The following SGPP2 variants were observed in gnomAD, a reference collection of about 807,000 sequenced individuals.
SGPP2 encodes the protein sphingosine-1-phosphate phosphatase 2.
In SGPP2, 30 loss-of-function variants were observed where a neutral mutation model predicts 33.9. That is an observed-to-expected ratio of 0.89 (90% CI 0.66 to 1.20). The LOEUF is 1.20. Among genes scored for constraint, SGPP2 ranks in the 50% most tolerant of loss-of-function variants. The pLI is 0.00. For missense variants in SGPP2, 458 were observed against 532.1 expected (o/e 0.86, Z 1.37); for synonymous variants, 233 against 225.0 (o/e 1.04, Z -0.32).
chr2:222,469,206 C>T (rs541720910), intron 1 of SGPP2, among the ~76,000 whole-genome samples: 13 of 151,960 alleles, frequency 8.6e-5, no homozygotes, highest in African/African-American at 1.4e-4. Flanking sequence ...TTTTTTGAGA[C>T]GGAGTCTCGC....
At chr2:222,491,152 T>G (rs1393492045) in intron 2 of SGPP2, among the ~76,000 whole-genome samples, 4 of 152,040 alleles carry the variant, frequency 2.6e-5, no homozygotes, top group South Asian at 2.1e-4. Flanking sequence ...TATTTTTTTT[T>G]GAAACAGAGT....
At chr2:222,431,555 G>A (rs1697156462) in intron 1 of SGPP2, among the ~76,000 whole-genome samples, 1 of 152,050 alleles carries the variant, frequency 6.6e-6, no homozygotes, top group Non-Finnish European at 1.5e-5. Context: ...GTAATTGAAG[G>A]ACTATTTACA....
intron 1 of SGPP2, among the ~76,000 whole-genome samples, chr2:222,436,948 G>A (rs966585410): frequency 6.6e-6 from 1 of 152,130 alleles, no homozygotes; most frequent in Non-Finnish European, 1.5e-5. Flanking sequence ...GTGTTCCTGG[G>A]CCCATGCGTA....
At chr2:222,544,418 G>A (rs962088604) in intron 4 of SGPP2, among the ~76,000 whole-genome samples, 19 of 152,152 alleles carry the variant, frequency 1.2e-4, no homozygotes, top group African/African-American at 4.6e-4. Flanking sequence ...TTTTCCCTTG[G>A]TATAGGTGGG....
intron 1 of SGPP2, chr2:222,452,331 G>A: frequency 1.5e-6 from 1 of 665,526 alleles, no homozygotes; most frequent in Non-Finnish European, 2.8e-6. Flanking sequence ...ATGAGGGAGG[G>A]GAGGAGGGGA....
At position 222,496,943 on chromosome 2, in the gene SGPP2, G is replaced by A. The variant is rs186253119; in HGVS notation, c.378+22217G>A. On this transcript the variant is annotated intron_variant, in intron 2 of 4. Transcript: ENST00000321276. ...TTTCTACAAAAGTGATTTAAGAGAT[G>A]TCCCCTACAGAAGCACCCATGTAAA... 3.3e-5 allele frequency among the ~76,000 whole-genome samples: 5 copies of A among 152,322 alleles called. No individual in the cohort carries two copies. The East Asian group carries it at 7.7e-4, about 23-fold the overall frequency.
intron 2 of SGPP2, among the ~76,000 whole-genome samples, chr2:222,509,885 A>G (rs186937650): frequency 9.8e-5 from 15 of 152,330 alleles, no homozygotes; most frequent in Admixed American, 3.3e-4. Context: ...AGGAACCCCA[A>G]TATCCATTAG....
At chr2:222,541,692 C>A (rs768034117) in intron 4 of SGPP2, among the ~76,000 whole-genome samples, 2 of 152,040 alleles carry the variant, frequency 1.3e-5, no homozygotes, top group South Asian at 4.2e-4. Flanking sequence ...CAGTTCACTA[C>A]AACCTCTGCC....
chr2:222,517,207 C>T (rs1698616237), intron 2 of SGPP2, among the ~76,000 whole-genome samples: 1 of 152,208 alleles, frequency 6.6e-6, no homozygotes, highest in Non-Finnish European at 1.5e-5. Context: ...ACCCTCCAGC[C>T]TGGAAACCCA....
In SGPP2 at chr2:222,474,766, A is replaced by G. The variant is rs1559154274; in HGVS notation, c.378+40A>G. 6 of 1,522,260 alleles carry G rather than the reference A, an allele frequency of 3.9e-6. No individual in the cohort carries two copies. The South Asian group carries it at 7.3e-5, about 18-fold the overall frequency. 94.3% of individuals were successfully genotyped at this position (1,522,260 alleles called of 1,614,324 possible). ...TACTCATTAACTGATGCTACTTCTA[A>G]AACAACTACTTCCTTTGATACTCAA... On this transcript the variant is annotated intron_variant, in intron 2 of 4. Coordinates refer to ENST00000321276, the MANE Select transcript of SGPP2 (RefSeq NM_152386.4).
intron 1 of SGPP2, among the ~76,000 whole-genome samples, chr2:222,466,533 C>T (rs1362466148): frequency 6.6e-6 from 1 of 152,196 alleles, no homozygotes; most frequent in Non-Finnish European, 1.5e-5. Context: ...GCTGGGATTA[C>T]AGGCGTGAGC....
At chr2:222,504,216 G>A (rs7559017) in intron 2 of SGPP2, 136,159 of 152,258 alleles carry the variant, frequency 0.89, 61,335 homozygotes, top group East Asian at 1. Flanking sequence ...CAACTCAGGG[G>A]TTGTCTTGCA....
intron 1 of SGPP2, among the ~76,000 whole-genome samples, chr2:222,473,874 A>G (rs1697888015): frequency 1.4e-5 from 2 of 147,040 alleles, no homozygotes; most frequent in Middle Eastern, 3.7e-3. Flanking sequence ...TAGTGAGCCA[A>G]AATTGTGCCA....
chr2:222,425,143 G>A (rs1447118054), intron 1 of SGPP2, among the ~76,000 whole-genome samples: 1 of 152,242 alleles, frequency 6.6e-6, no homozygotes, highest in Non-Finnish European at 1.5e-5. Flanking sequence ...TAATGGAACG[G>A]AGGAGCGGGG....
intron 1 of SGPP2, among the ~76,000 whole-genome samples, chr2:222,457,334 G>T (rs574621740): frequency 6.6e-6 from 1 of 152,064 alleles, no homozygotes; most frequent in Non-Finnish European, 1.5e-5. Flanking sequence ...GTTATGAAAA[G>T]ATGAGATGAC....
chr2:222,519,783 T>C (rs1698656070), intron 2 of SGPP2, among the ~76,000 whole-genome samples: 1 of 152,228 alleles, frequency 6.6e-6, no homozygotes, highest in African/African-American at 2.4e-5. Flanking sequence ...TTTCTGTTCC[T>C]GAATTAATTT....
chr2:222,538,960 T>A (rs1273425121), intron 4 of SGPP2, among the ~76,000 whole-genome samples: 1 of 152,172 alleles, frequency 6.6e-6, no homozygotes, highest in African/African-American at 2.4e-5. Context: ...CAGATCCAAA[T>A]CATAGCATTC....
At chr2:222,529,421 G>C (rs866647899) in intron 4 of SGPP2, among the ~76,000 whole-genome samples, 7 of 151,982 alleles carry the variant, frequency 4.6e-5, no homozygotes, top group Admixed American at 4.6e-4. Flanking sequence ...TGCAACCTCC[G>C]TCTCCCGGGT....
At chr2:222,428,083 G>A (rs1007884441) in intron 1 of SGPP2, among the ~76,000 whole-genome samples, 4 of 152,184 alleles carry the variant, frequency 2.6e-5, no homozygotes, top group African/African-American at 9.7e-5. Flanking sequence ...TCTTTCCTCT[G>A]TGCAGATTCC....
Sources: gnomAD v4.1 joint callset for allele counts (sites outside exome capture counted in the v4.1 genomes callset) on GRCh38, gnomAD v4.1.1 for gene constraint, MANE v1.5 for transcripts, NCBI Gene and HGNC (gene_info 2026-07-23, HGNC 2026-07-21) for gene names.